Variants in SPIRE2 observed in about 807,000 individuals in gnomAD.
SPIRE2 encodes the protein protein spire homolog 2.
Under a neutral mutation model 80.7 loss-of-function variants are expected in SPIRE2, and 76 were observed. The observed-to-expected ratio is 0.94, with a 90% CI of 0.78 to 1.14. SPIRE2 has a LOEUF of 1.14. Ranked by LOEUF, SPIRE2 falls within the 50% of genes most tolerant of loss-of-function variation. SPIRE2 has a pLI of 0.00. For missense variants in SPIRE2, 1,196 were observed against 1,015.3 expected (o/e 1.18, Z -2.42); for synonymous variants, 535 against 432.6 (o/e 1.24, Z -2.94).
intron 1 of SPIRE2, among the ~76,000 whole-genome samples, chr16:89,840,313 G>C (rs1412643113): frequency 1.4e-5 from 2 of 146,582 alleles, no homozygotes; most frequent in African/African-American, 2.5e-5. Context: ...GCAGTGGCGC[G>C]ATCTCGGCTC....
intron 8 of SPIRE2, 119 bp downstream of exon 8, chr16:89,858,626 G>A (rs1216145624): frequency 5.1e-6 from 5 of 985,110 alleles, no homozygotes; most frequent in Non-Finnish European, 7.0e-6. Context: ...CTGTCCAGGA[G>A]CCCTCCCTTG....
intron 12 of SPIRE2, among the ~76,000 whole-genome samples, chr16:89,865,144 C>G (rs1428501404): frequency 6.6e-6 from 1 of 151,598 alleles, no homozygotes; most frequent in Non-Finnish European, 1.5e-5. Flanking sequence ...GTAGCTGGGT[C>G]TACAGGCACC....
At chr16:89,857,036 A>G (rs1231875853) in intron 7 of SPIRE2, among the ~76,000 whole-genome samples, 1 of 150,036 alleles carries the variant, frequency 6.7e-6, no homozygotes, top group Non-Finnish European at 1.5e-5. Flanking sequence ...ACTGCCCTCT[A>G]GACTGGGTGA....
chr16:89,856,301 G>T, intron 7 of SPIRE2, 65 bp downstream of exon 7: 1 of 1,508,858 alleles, frequency 6.6e-7, no homozygotes, highest in Non-Finnish European at 8.9e-7. Flanking sequence ...CCATTCCCCT[G>T]GTCAGGTTGC....
intron 1 of SPIRE2, among the ~76,000 whole-genome samples, chr16:89,835,520 C>T (rs2143779862): frequency 6.6e-6 from 1 of 152,276 alleles, no homozygotes; most frequent in Middle Eastern, 3.4e-3. Context: ...CTGGTGAGAG[C>T]CGGCTCCCAC....
At chr16:89,867,177 C>G (rs903918752) in intron 12 of SPIRE2, among the ~76,000 whole-genome samples, 6 of 151,754 alleles carry the variant, frequency 4.0e-5, no homozygotes, top group Non-Finnish European at 7.4e-5. Context: ...CAGAGTCTCT[C>G]TCTGTCACCC....
At chr16:89,856,281 T>G (rs1425357275) in intron 7 of SPIRE2, 45 bp downstream of exon 7, 3 of 1,533,710 alleles carry the variant, frequency 2.0e-6, no homozygotes, top group Non-Finnish European at 2.6e-6. Flanking sequence ...AGCCCCCGGC[T>G]GGGGTTCCCC....
In SPIRE2 at chr16:89,854,273, C is replaced by T. The variant is rs753254710; in HGVS notation, c.646-13C>T. The T allele has an allele frequency of 1.1e-5, 18 of 1,610,576 alleles. No individual in the cohort carries two copies. In the Middle Eastern group the frequency reaches 4.9e-4, roughly 44 times the overall value. ...CGTACCTCCCCTGGACTGACGAGCA[C>T]GTGTGGTCACAGATGCTGCAGAAGC... On this transcript the variant is annotated splice_polypyrimidine_tract_variant and intron_variant, in intron 3 of 14. Transcript: ENST00000378247.
intron 1 of SPIRE2, among the ~76,000 whole-genome samples, chr16:89,841,195 A>T (rs1028365089): frequency 6.6e-6 from 1 of 151,862 alleles, no homozygotes; most frequent in Non-Finnish European, 1.5e-5. Context: ...AAAAAAAAAA[A>T]AAAGGAAAAA....
At chr16:89,840,887 T>C (rs1567670647) in intron 1 of SPIRE2, among the ~76,000 whole-genome samples, 1 of 152,054 alleles carries the variant, frequency 6.6e-6, no homozygotes, top group Non-Finnish European at 1.5e-5. Flanking sequence ...TCCGCCTGCC[T>C]CGGCCTCCCA....
chr16:89,833,762 T>G (rs1225333297), intron 1 of SPIRE2, among the ~76,000 whole-genome samples: 1 of 152,166 alleles, frequency 6.6e-6, no homozygotes, highest in Non-Finnish European at 1.5e-5. Flanking sequence ...GCAGCACGTG[T>G]GGGTCCAGGC....
chr16:89,842,473 G>A (rs1422674758), intron 1 of SPIRE2, among the ~76,000 whole-genome samples: 3 of 151,608 alleles, frequency 2.0e-5, no homozygotes, highest in African/African-American at 4.8e-5. Flanking sequence ...TCGGCCTCCC[G>A]AAGTGCTGGG....
At chr16:89,829,584 C>T (rs1489676143) in intron 1 of SPIRE2, among the ~76,000 whole-genome samples, 1 of 152,194 alleles carries the variant, frequency 6.6e-6, no homozygotes, top group Non-Finnish European at 1.5e-5. Flanking sequence ...CATGAGCAGG[C>T]CTATGTGGAG....
chr16:89,860,575 T>C, intron 9 of SPIRE2, 108 bp from the exon 10 acceptor site: 1 of 745,092 alleles, frequency 1.3e-6, no homozygotes, highest in Admixed American at 2.4e-5. Flanking sequence ...CTTGACCTTT[T>C]GCTTGGTTCC....
Position 89,831,776 on chromosome 16 carries a change from C to T in SPIRE2, c.244+2982C>T, listed in dbSNP as rs147485477. On this transcript the variant is annotated intron_variant, in intron 1 of 14. Transcript: ENST00000378247. The stretch of plus-strand genomic sequence containing the variant: ...CGTTGCTGGTCCTCCAGGTATCCCC[C>T]GCCCTTTCTCCTGCCCCTCCCCCTT... Among the ~76,000 whole-genome samples, 620 of 151,266 alleles carry T rather than the reference C, an allele frequency of 4.1e-3. 11 individuals carry two copies. Among genetic ancestry groups the T allele is most frequent in the African/African-American group, 0.011 (457 of 41,424 alleles).
chr16:89,845,338 C>T lies in SPIRE2; in HGVS notation c.261C>T (p.Val87=), dbSNP rs1356844262. Residue 87 remains valine (V), a synonymous_variant, in exon 2 of 15, where the codon GTC becomes GTT. Coordinates refer to ENST00000378247, the MANE Select transcript of SPIRE2 (RefSeq NM_032451.2). ...EPEAAEPATM[V]VPLASSEAQT... is the part of the protein sequence containing the mutation. Reference sequence around the variant, plus strand: ...CTCTTACAGAACCTGCAACCATGGTCGTGCCACTAGCCAGCTCGGAAGCCC... The same window carrying T: ...CTCTTACAGAACCTGCAACCATGGTTGTGCCACTAGCCAGCTCGGAAGCCC... 30 of 1,614,018 alleles carry T rather than the reference C, an allele frequency of 1.9e-5. No individual in the cohort carries two copies. Among genetic ancestry groups the T allele is most frequent in the African/African-American group, 4.0e-5 (3 of 74,910 alleles).
rs2041669085 is a variant in SPIRE2, at chr16:89,854,522, C to G, written c.762C>G (p.Arg254=). 3 of 1,612,578 alleles carry G rather than the reference C, an allele frequency of 1.9e-6. No individual in the cohort carries two copies. Among genetic ancestry groups the G allele is most frequent in the Non-Finnish European group, 2.5e-6 (3 of 1,179,904 alleles). The change falls in exon 5 of 15, where the codon CGC becomes CGG. Residue 254 remains arginine, a synonymous_variant. Coordinates refer to ENST00000378247, the MANE Select transcript of SPIRE2 (RefSeq NM_032451.2). ...RLWVQLMREL[R]RGVKLKKVQE... ...GGGTTCAGCTCATGCGGGAGCTCCG[C>G]CGCGGAGTGAAGCTGAAGAAGGTGC...
chr16:89,845,705 G>C, intron 2 of SPIRE2: 1 of 649,518 alleles, frequency 1.5e-6, no homozygotes, highest in East Asian at 2.7e-5. Flanking sequence ...GACGACTTCA[G>C]GTGCAAACAG....
intron 1 of SPIRE2, among the ~76,000 whole-genome samples, chr16:89,831,100 G>A (rs988202854): frequency 1.3e-5 from 2 of 148,856 alleles, no homozygotes; most frequent in Admixed American, 6.6e-5. Context: ...TAGTAGAGAC[G>A]GGGTTTCACC....
Sources: gnomAD v4.1 joint callset for allele counts (sites outside exome capture counted in the v4.1 genomes callset) on GRCh38, gnomAD v4.1.1 for gene constraint, MANE v1.5 for transcripts, NCBI Gene and HGNC (gene_info 2026-07-23, HGNC 2026-07-21) for gene names.